The following FSTL4 variants were observed in gnomAD, a reference collection of about 807,000 sequenced individuals.
FSTL4 encodes follistatin-related protein 4.
In FSTL4, 28 loss-of-function variants were observed where a neutral mutation model predicts 78.2. The observed-to-expected ratio is 0.36, with a 90% confidence interval of 0.27 to 0.49. FSTL4 has a LOEUF of 0.49. Among genes scored for constraint, FSTL4 ranks in the 20% least tolerant of loss-of-function variants. The probability of loss-of-function intolerance (pLI) is 0.98; values close to 1 mark genes in which losing one functional copy is unlikely to be tolerated. For synonymous variants in FSTL4, 422 were observed against 440.5 expected (o/e 0.96, Z 0.53); for missense variants, 922 against 1,084.9 (o/e 0.85, Z 2.11).
At chr5:133,549,727 T>A (rs1176623622) in intron 3 of FSTL4, among the ~76,000 whole-genome samples, 2 of 152,212 alleles carry the variant, frequency 1.3e-5, no homozygotes, top group East Asian at 3.9e-4. Flanking sequence ...CAACCAGGAC[T>A]GTTTCAAGCA....
intron 3 of FSTL4, among the ~76,000 whole-genome samples, chr5:133,548,781 ACT>A (rs1759633586): frequency 6.6e-6 from 1 of 152,312 alleles, no homozygotes; most frequent in South Asian, 2.1e-4. Flanking sequence ...ACATAAAAAA[ACT>A]CTGAAGAAAA....
At chr5:133,510,833 G>A (rs553136466) in intron 3 of FSTL4, among the ~76,000 whole-genome samples, 14 of 152,108 alleles carry the variant, frequency 9.2e-5, no homozygotes, top group Non-Finnish European at 1.8e-4. Flanking sequence ...AGCCACAGCC[G>A]TGTCCCACTC....
At chr5:133,741,392 G>T in the FSTL4 span, among the ~76,000 whole-genome samples, 1 of 152,370 alleles carries the variant, frequency 6.6e-6, no homozygotes, top group East Asian at 1.9e-4. Flanking sequence ...CCACCTTGAG[G>T]AAAGTGGCCT....
At chr5:133,342,598 G>T (rs953441751) in intron 4 of FSTL4, among the ~76,000 whole-genome samples, 1 of 152,130 alleles carries the variant, frequency 6.6e-6, no homozygotes. Flanking sequence ...AGTCTTTCTG[G>T]AGGGCCTACT....
At chr5:133,705,612 C>T in the FSTL4 span, among the ~76,000 whole-genome samples, 2 of 152,124 alleles carry the variant, frequency 1.3e-5, no homozygotes, top group African/African-American at 4.8e-5. Context: ...TGTGATCCTG[C>T]AGGGATCTTC....
At chr5:133,273,757 T>G (rs1752818720) in intron 6 of FSTL4, among the ~76,000 whole-genome samples, 1 of 152,146 alleles carries the variant, frequency 6.6e-6, no homozygotes, top group Admixed American at 6.5e-5. Flanking sequence ...AACCTACGTT[T>G]GCAGGCAGCG....
intron 3 of FSTL4, among the ~76,000 whole-genome samples, chr5:133,473,167 T>G (rs1165882497): frequency 6.6e-6 from 1 of 152,230 alleles, no homozygotes; most frequent in Non-Finnish European, 1.5e-5. Context: ...CAATGTGTTC[T>G]AATCTAGTGC....
chr5:133,468,633 G>A (rs1757759205), intron 3 of FSTL4, among the ~76,000 whole-genome samples: 1 of 152,150 alleles, frequency 6.6e-6, no homozygotes, highest in African/African-American at 2.4e-5. Context: ...CATTCAGGCC[G>A]CAGGTCAGCT....
chr5:133,340,838 G>A (rs982628215), intron 4 of FSTL4, among the ~76,000 whole-genome samples: 5 of 152,116 alleles, frequency 3.3e-5, no homozygotes, highest in Admixed American at 3.3e-4. Context: ...GGTTTGCTCA[G>A]GACATAAAAA....
chr5:133,748,888 G>A, the FSTL4 span, among the ~76,000 whole-genome samples: 116 of 152,298 alleles, frequency 7.6e-4, no homozygotes, highest in African/African-American at 2.7e-3. Context: ...AGAATTCCAA[G>A]AGCAGCTCTC....
At chr5:133,296,094 C>T (rs537569621) in intron 6 of FSTL4, among the ~76,000 whole-genome samples, 1 of 152,192 alleles carries the variant, frequency 6.6e-6, no homozygotes, top group African/African-American at 2.4e-5. Flanking sequence ...CCTCCCAAAC[C>T]TCCTCCACCC....
In FSTL4 at chr5:133,221,891, G is replaced by GTTTTTTTTTTTTT. The variant is rs59400068; in HGVS notation, c.1340-1038_1340-1026dup. On this transcript the variant is annotated intron_variant, in intron 11 of 15. Transcript: ENST00000265342. ...AATATGTAGAAAAATCTCTTTTCTA[G>GTTTTTTTTTTTTT]TTTTTTTTTTTTTTTTTTTTTTTTT... Among the ~76,000 whole-genome samples, 34 of 43,354 alleles carry GTTTTTTTTTTTTT rather than the reference G, an allele frequency of 7.8e-4. 8 individuals carry two copies. Among genetic ancestry groups the GTTTTTTTTTTTTT allele is most frequent in the Non-Finnish European group, 1.9e-3 (31 of 16,678 alleles). 28.4% of individuals were successfully genotyped at this position (43,354 alleles called of 152,430 possible). A position where few individuals can be genotyped will look rare whatever the true frequency, so the allele number is the denominator to read the frequency against.
At chr5:133,774,578 G>A in the FSTL4 span, among the ~76,000 whole-genome samples, 2 of 152,196 alleles carry the variant, frequency 1.3e-5, no homozygotes, top group African/African-American at 2.4e-5. Flanking sequence ...CACTTACGTA[G>A]TTGAGAACAT....
chr5:133,787,974 G>A, the FSTL4 span, among the ~76,000 whole-genome samples: 3 of 152,372 alleles, frequency 2.0e-5, no homozygotes, highest in Admixed American at 6.5e-5. Context: ...TGCTCGGTAA[G>A]TGGTCGTGAA....
chr5:133,211,645 A>C (rs1031464389), intron 13 of FSTL4, among the ~76,000 whole-genome samples: 3 of 152,202 alleles, frequency 2.0e-5, no homozygotes, highest in Admixed American at 1.3e-4. Context: ...TTCAGAGACC[A>C]TTCTGTAATC....
chr5:133,267,854 T>G (rs1277969145), intron 6 of FSTL4, among the ~76,000 whole-genome samples: 4 of 152,132 alleles, frequency 2.6e-5, no homozygotes, highest in Admixed American at 2.6e-4. Context: ...GACCTCCACA[T>G]TTCACTGGCT....
intron 3 of FSTL4, among the ~76,000 whole-genome samples, chr5:133,448,735 G>A (rs866482596): frequency 0.012 from 1,482 of 126,252 alleles, 59 homozygotes; most frequent in African/African-American, 0.042. Context: ...CAGGGGTGCG[G>A]GGGCGGGGGG....
intron 5 of FSTL4, among the ~76,000 whole-genome samples, chr5:133,315,043 T>A (rs1753871797): frequency 6.6e-6 from 1 of 152,050 alleles, no homozygotes; most frequent in Admixed American, 6.6e-5. Context: ...AAGCCTGCAA[T>A]TCCAGCTACT....
intron 4 of FSTL4, among the ~76,000 whole-genome samples, chr5:133,389,689 C>T (rs992944140): frequency 1.3e-5 from 2 of 152,180 alleles, no homozygotes; most frequent in Non-Finnish European, 2.9e-5. Flanking sequence ...CTCGGGTTCC[C>T]CAAATCATTG....
Sources: allele counts gnomAD v4.1 joint callset (sites outside exome capture counted in the v4.1 genomes callset), GRCh38; gene constraint gnomAD v4.1.1; transcripts MANE v1.5; gene names NCBI Gene and HGNC (gene_info 2026-07-23, HGNC 2026-07-21).